Variants in PDE5A observed in about 807,000 individuals in gnomAD.
The protein encoded by PDE5A is phosphodiesterase 5A.
PDE5A carries 67 observed loss-of-function variants against 110.2 expected under a neutral mutation model. That is an observed-to-expected ratio of 0.61 (90% CI 0.50 to 0.75). PDE5A has a LOEUF of 0.75. PDE5A is among the 30% of genes least tolerant of loss of function. PDE5A has a pLI of 0.00. For missense variants in PDE5A, 862 were observed against 1,045.1 expected, an observed-to-expected ratio of 0.82 and a Z score of 2.42; for synonymous variants, 328 against 351.2, an observed-to-expected ratio of 0.93 and a Z score of 0.74.
At chr4:119,541,952 T>G (rs2110486472) in intron 10 of PDE5A, 1 of 152,332 alleles carries the variant, frequency 6.6e-6, no homozygotes, top group Non-Finnish European at 1.5e-5. Context: ...TAGTTTGAAA[T>G]AGTTTCTCAG....
chr4:119,595,120 G>A (rs1255369112), intron 3 of PDE5A, among the ~76,000 whole-genome samples: 2 of 151,798 alleles, frequency 1.3e-5, no homozygotes, highest in South Asian at 2.1e-4. Context: ...CAGGTAGCAC[G>A]AATAAAAAGA....
chr4:119,606,622 T>C (rs1729537923), intron 2 of PDE5A, 87 bp downstream of exon 2: 7 of 823,566 alleles, frequency 8.5e-6, no homozygotes, highest in East Asian at 7.3e-5. Flanking sequence ...CCATTCATGA[T>C]TGCTATCCAA....
intron 9 of PDE5A, among the ~76,000 whole-genome samples, chr4:119,547,666 G>C (rs1727180352): frequency 6.6e-6 from 1 of 151,938 alleles, no homozygotes; most frequent in Non-Finnish European, 1.5e-5. Context: ...CTAAAATGCT[G>C]TAATTTAATT....
rs1578842454 is a variant in PDE5A at position 119,627,380 on chromosome 4, C to T, written c.152+1140G>A. ...CCCTGGCGGGGAGCGACCGGCAGAG[C>T]CGCGGCCGCGCGCCGGCGAGTGGGA... On this transcript the variant is annotated intron_variant, in intron 1 of 20. Transcript: ENST00000354960. The surrounding 1 kb of genome is among the most constrained non-coding windows in gnomAD (Gnocchi z 4.6). 4 of 885,956 alleles carry T rather than the reference C, an allele frequency of 4.5e-6. No individual in the cohort carries two copies. The African/African-American group carries it at 5.4e-5, about 12-fold the overall frequency. 54.9% of individuals were successfully genotyped at this position (885,956 alleles called of 1,614,324 possible).
intron 7 of PDE5A, among the ~76,000 whole-genome samples, chr4:119,559,552 A>C (rs76307846): frequency 0.014 from 2,074 of 152,320 alleles, 23 homozygotes; most frequent in African/African-American, 0.023. Context: ...AAATATTTAC[A>C]TATGTCCTAC....
chr4:119,575,799 T>A (rs1228567744), intron 3 of PDE5A, among the ~76,000 whole-genome samples: 4 of 152,180 alleles, frequency 2.6e-5, no homozygotes, highest in African/African-American at 9.7e-5. Context: ...AATAACCAGC[T>A]AACATTATAA....
intron 3 of PDE5A, among the ~76,000 whole-genome samples, chr4:119,595,871 A>G (rs1015059281): frequency 1.3e-5 from 2 of 152,196 alleles, no homozygotes; most frequent in Non-Finnish European, 2.9e-5. Flanking sequence ...TACAATTGGT[A>G]ATCTTTTAGA....
intron 1 of PDE5A, among the ~76,000 whole-genome samples, chr4:119,617,941 A>G (rs983792148): frequency 6.6e-5 from 10 of 152,202 alleles, no homozygotes; most frequent in African/African-American, 2.4e-4. Context: ...ATCATTAAGT[A>G]ATGTGCTTCC....
chr4:119,580,190 C>G (rs1480232293), intron 3 of PDE5A, among the ~76,000 whole-genome samples: 2 of 151,722 alleles, frequency 1.3e-5, no homozygotes, highest in African/African-American at 4.8e-5. Flanking sequence ...TCCCTTTGAA[C>G]AATTAAAAAA....
At chr4:119,615,615 CAA>C (rs56177504) in intron 1 of PDE5A, among the ~76,000 whole-genome samples, 196 of 130,184 alleles carry the variant, frequency 1.5e-3, no homozygotes, top group South Asian at 1.9e-3. Flanking sequence ...CTACTAAGTT[CAA>C]AAAAAAAAAA....
Position 119,601,402 on chromosome 4 carries a change from T to G in PDE5A, c.742-4790A>C, listed in dbSNP as rs189056704. Among the ~76,000 whole-genome samples the G allele has an allele frequency of 3.9e-3, 596 of 152,258 alleles. 3 individuals carry two copies. Among genetic ancestry groups the G allele is most frequent in the Non-Finnish European group, 6.0e-3 (410 of 68,010 alleles). ...TGGTGAACATATTGATGTGCTGGGA[T>G]GCTGGCATTCTGGAGAAGGCATAGA... On this transcript the variant is annotated intron_variant, in intron 2 of 20. Transcript: ENST00000354960.
intron 1 of PDE5A, among the ~76,000 whole-genome samples, chr4:119,615,006 A>G (rs759822268): frequency 3.3e-5 from 5 of 152,166 alleles, no homozygotes; most frequent in Non-Finnish European, 5.9e-5. Flanking sequence ...CAATCAGGTG[A>G]TAATTCTAGT....
intron 2 of PDE5A, among the ~76,000 whole-genome samples, chr4:119,606,416 G>A (rs1186930768): frequency 6.6e-6 from 1 of 151,960 alleles, no homozygotes; most frequent in Non-Finnish European, 1.5e-5. Context: ...AAAAAGATGG[G>A]AGAATATAAC....
chr4:119,613,152 A>G (rs1487994531), intron 1 of PDE5A, among the ~76,000 whole-genome samples: 1 of 152,216 alleles, frequency 6.6e-6, no homozygotes, highest in Non-Finnish European at 1.5e-5. Context: ...TGAACTGAAG[A>G]TAATTGTTTA....
At chr4:119,559,332 A>G (rs903741422) in intron 7 of PDE5A, among the ~76,000 whole-genome samples, 27 of 152,300 alleles carry the variant, frequency 1.8e-4, no homozygotes, top group African/African-American at 6.0e-4. Flanking sequence ...TCAAAAGCCA[A>G]TACCTAAAAT....
intron 3 of PDE5A, among the ~76,000 whole-genome samples, chr4:119,588,491 GA>G (rs917707499): frequency 5.8e-5 from 8 of 138,562 alleles, no homozygotes; most frequent in Admixed American, 3.6e-4. Flanking sequence ...TCTCCAAATT[GA>G]AAAAAATTTA....
chr4:119,604,769 C>T (rs1168587900), intron 2 of PDE5A, among the ~76,000 whole-genome samples: 1 of 152,186 alleles, frequency 6.6e-6, no homozygotes, highest in Non-Finnish European at 1.5e-5. Context: ...ATCTTCAACT[C>T]CTCTTTTCCC....
chr4:119,615,324 T>G (rs1040150663), intron 1 of PDE5A, among the ~76,000 whole-genome samples: 3 of 152,120 alleles, frequency 2.0e-5, no homozygotes, highest in African/African-American at 7.2e-5. Context: ...CATTTCAAGA[T>G]CTCTTCAACA....
intron 20 of PDE5A, among the ~76,000 whole-genome samples, chr4:119,499,304 G>A (rs1725204956): frequency 6.6e-6 from 1 of 151,958 alleles, no homozygotes. Flanking sequence ...GGTTGTCACT[G>A]TAAAACCTCC....
Sources: gnomAD v4.1 joint callset for allele counts (sites outside exome capture counted in the v4.1 genomes callset) on GRCh38, gnomAD v4.1.1 for gene constraint, Gnocchi (gnomAD v3.1) non-coding constraint, MANE v1.5 for transcripts, NCBI Gene and HGNC (gene_info 2026-07-23, HGNC 2026-07-21) for gene names.